Variants in NBAS observed in about 807,000 individuals in gnomAD.
NBAS encodes the protein NAG/BC035112 fusion.
NBAS carries 219 observed loss-of-function variants against 302.5 expected under a neutral mutation model. That is an observed-to-expected ratio of 0.72 (90% confidence interval 0.65 to 0.81). The LOEUF (loss-of-function observed/expected upper bound fraction) is 0.81. NBAS is among the 30% of genes least tolerant of loss of function. The pLI, the probability that NBAS is intolerant of heterozygous loss-of-function variation, is 0.00. For synonymous variants in NBAS, 1,118 were observed against 1,021.6 expected, an observed-to-expected ratio of 1.09 and a Z score of -1.80; for missense variants, 2,932 against 2,841.6, an observed-to-expected ratio of 1.03 and a Z score of -0.72.
chr2:15,048,933 C>G, the NBAS span, among the ~76,000 whole-genome samples: 1 of 152,186 alleles, frequency 6.6e-6, no homozygotes, highest in Non-Finnish European at 1.5e-5. Context: ...CACTGGGGCA[C>G]CCAGGAGAGG....
the NBAS span, among the ~76,000 whole-genome samples, chr2:14,850,744 G>A: frequency 1.4e-5 from 1 of 72,552 alleles, no homozygotes; most frequent in East Asian, 3.0e-4. Flanking sequence ...AGACCACAGT[G>A]CAATCAAACT....
At chr2:15,021,954 TAGGCAGA>T in the NBAS span, among the ~76,000 whole-genome samples, 1,886 of 152,282 alleles carry the variant, frequency 0.012, 43 homozygotes, top group African/African-American at 0.043. Flanking sequence ...TGGAGAATTG[TAGGCAGA>T]AGGCAGAAGG....
Position 15,558,935 on chromosome 2 carries a change from G to C in NBAS, c.118-301C>G, listed in dbSNP as rs543156600. Among the ~76,000 whole-genome samples the C allele has an allele frequency of 2.6e-5, 4 of 151,690 alleles. No homozygotes were observed. The East Asian group carries it at 7.7e-4, about 29-fold the overall frequency. ...AATACAAAAATTGGCCAGGCATGGC[G>C]GTGCATGCCTATAGTCCCAGCTACT... On this transcript the variant is annotated intron_variant, in intron 1 of 51. Coordinates refer to ENST00000281513, the MANE Select transcript of NBAS (RefSeq NM_015909.4).
At chr2:14,786,162 G>T in the NBAS span, among the ~76,000 whole-genome samples, 3 of 152,034 alleles carry the variant, frequency 2.0e-5, no homozygotes, top group Non-Finnish European at 4.4e-5. Context: ...GGGATTGGTG[G>T]TGATATCCCC....
chr2:15,329,504 A>G (rs188662752), intron 36 of NBAS, among the ~76,000 whole-genome samples: 45 of 152,332 alleles, frequency 3.0e-4, no homozygotes, highest in Non-Finnish European at 5.7e-4. Flanking sequence ...TGAGCATAGT[A>G]AAAGTAAAGT....
rs1253216797 is a variant in NBAS, at chr2:15,179,066, T to C, written c.6762A>G (p.Pro2254=). The part of the protein sequence containing the change: ...LLLLNQSLLL[P]SLKLLLESRD... Reference sequence around the variant, plus strand: ...GGCTCTCGAGGAGAAGTTTCAGAGATGGAAGCAGGAGGGACTGGTTAAGCA... The same window carrying C: ...GGCTCTCGAGGAGAAGTTTCAGAGACGGAAGCAGGAGGGACTGGTTAAGCA... The change falls in exon 51 of 52, where the codon CCA becomes CCG. Residue 2254 remains proline, a synonymous_variant. Coordinates refer to ENST00000281513, the MANE Select transcript of NBAS (RefSeq NM_015909.4). 6.2e-7 allele frequency: 1 copy of C among 1,614,126 alleles called. No homozygotes were observed.
At chr2:14,842,933 C>G in the NBAS span, among the ~76,000 whole-genome samples, 3 of 150,186 alleles carry the variant, frequency 2.0e-5, no homozygotes, top group African/African-American at 7.3e-5. Flanking sequence ...AAACCAAACT[C>G]AAACTCAACA....
At chr2:14,928,982 C>G in the NBAS span, among the ~76,000 whole-genome samples, 1 of 152,164 alleles carries the variant, frequency 6.6e-6, no homozygotes, top group Non-Finnish European at 1.5e-5. Flanking sequence ...CACCTTATTA[C>G]CCTTTCATCC....
chr2:15,462,877 A>C (rs570709106), intron 19 of NBAS, among the ~76,000 whole-genome samples: 3 of 152,230 alleles, frequency 2.0e-5, no homozygotes, highest in East Asian at 3.9e-4. Context: ...GAACAAGGAA[A>C]AGGGAACCTG....
chr2:15,327,754 A>C lies in NBAS; in HGVS notation c.4578T>G (p.Thr1526=), dbSNP rs1465879074. 6.2e-7 allele frequency: 1 copy of C among 1,613,570 alleles called. No individual in the cohort carries two copies. The highest frequency in any genetic ancestry group is 2.2e-5 in the East Asian group (1 of 44,826). The part of the protein sequence containing the change: ...AKNKGEVFPT[T]EVLLQLASEA... The stretch of plus-strand genomic sequence containing the variant: ...GACTAGAACCTTCTCTCTTACCTTC[A>C]GTTGTTGGAAATACTTCTCCTTTAT... Residue 1526 remains threonine, a synonymous_variant, in exon 38 of 52, where the codon ACT becomes ACG. Transcript: ENST00000281513.
chr2:15,240,240 A>C (rs1323570036), intron 44 of NBAS, among the ~76,000 whole-genome samples: 1 of 152,010 alleles, frequency 6.6e-6, no homozygotes, highest in African/African-American at 2.4e-5. Context: ...ACATGGCATG[A>C]GTGACCACAC....
chr2:15,224,909 C>T (rs1667092039), intron 47 of NBAS, among the ~76,000 whole-genome samples: 1 of 152,186 alleles, frequency 6.6e-6, no homozygotes, highest in African/African-American at 2.4e-5. Context: ...AGGAGAATGT[C>T]TTCTATTTAT....
the NBAS span, among the ~76,000 whole-genome samples, chr2:15,047,150 T>G: frequency 7.2e-5 from 11 of 152,238 alleles, no homozygotes; most frequent in African/African-American, 2.7e-4. Context: ...CTGCCTAACC[T>G]GCTGGCAATA....
the NBAS span, among the ~76,000 whole-genome samples, chr2:14,893,387 T>G: frequency 2.6e-5 from 4 of 152,186 alleles, no homozygotes; most frequent in Non-Finnish European, 5.9e-5. Flanking sequence ...ATTTTCTTCT[T>G]CCTAGTTTTT....
chr2:14,844,156 T>TA, the NBAS span, among the ~76,000 whole-genome samples: 7 of 151,950 alleles, frequency 4.6e-5, no homozygotes, highest in Middle Eastern at 3.2e-3. Context: ...TTTTTCCACT[T>TA]AAAAAAAGAG....
intron 28 of NBAS, among the ~76,000 whole-genome samples, chr2:15,386,952 C>T (rs998609213): frequency 1.1e-4 from 16 of 151,914 alleles, no homozygotes; most frequent in African/African-American, 3.1e-4. Flanking sequence ...CAGGGAGGTA[C>T]GACATCTTTT....
intron 21 of NBAS, among the ~76,000 whole-genome samples, chr2:15,450,079 T>C (rs1221709119): frequency 6.6e-6 from 1 of 152,202 alleles, no homozygotes; most frequent in Non-Finnish European, 1.5e-5. Flanking sequence ...GGTATTTTAT[T>C]ATCACAACAA....
chr2:15,245,152 C>A (rs932933795), intron 44 of NBAS, among the ~76,000 whole-genome samples: 5 of 152,174 alleles, frequency 3.3e-5, no homozygotes, highest in Admixed American at 6.5e-5. Flanking sequence ...TGCTCAAATC[C>A]GTGTAATGGC....
At chr2:15,108,544 A>T in the NBAS span, among the ~76,000 whole-genome samples, 1 of 152,160 alleles carries the variant, frequency 6.6e-6, no homozygotes, top group African/African-American at 2.4e-5. Context: ...CTCTAAATGT[A>T]TCTGGTCCAG....
Sources: gnomAD v4.1 joint callset for allele counts (sites outside exome capture counted in the v4.1 genomes callset) on GRCh38, gnomAD v4.1.1 for gene constraint, MANE v1.5 for transcripts, NCBI Gene and HGNC (gene_info 2026-07-23, HGNC 2026-07-21) for gene names.